The following CYP11B2 variants were observed in gnomAD, a reference collection of about 807,000 sequenced individuals.
CYP11B2 encodes cytochrome P450 11B2, mitochondrial.
CYP11B2 carries 38 observed loss-of-function variants against 49.3 expected under a neutral mutation model. The observed-to-expected ratio is 0.77, with a 90% CI of 0.59 to 1.01. The LOEUF (loss-of-function observed/expected upper bound fraction) is 1.01, where lower values mean the gene tolerates loss of function less well. Ranked by LOEUF, CYP11B2 falls within the 50% of genes least tolerant of loss-of-function variation. CYP11B2 has a pLI of 0.00. For missense variants in CYP11B2, 669 were observed against 655.5 expected, an observed-to-expected ratio of 1.02 and a Z score of -0.23; for synonymous variants, 290 against 269.3, an observed-to-expected ratio of 1.08 and a Z score of -0.75.
Position 142,914,693 on chromosome 8 carries a change from C to T in CYP11B2, c.799+12G>A. ...CCCTTCCCCATAGCACTGCCCGGGT[C>T]CCTGGCCTCACCGTACTGGAAGATG... is the stretch of plus-strand genomic sequence containing the variant. On this transcript the variant is annotated intron_variant, in intron 4 of 8. Coordinates refer to ENST00000323110, the MANE Select transcript of CYP11B2 (RefSeq NM_000498.3). 1.9e-6 allele frequency: 3 copies of T among 1,589,618 alleles called. No individual in the cohort carries two copies. The highest frequency in any genetic ancestry group is 2.6e-6 in the Non-Finnish European group (3 of 1,168,716).
chr8:142,912,046 C>G lies in CYP11B2; in HGVS notation c.1446G>C (p.Lys482Asn), dbSNP rs370145104. Residue 482 changes from lysine (K) to asparagine (N), a missense_variant, in exon 9 of 9, where the codon AAG becomes AAC. Lys to Asn is a moderately conservative substitution (Grantham distance 94, BLOSUM62 0). Transcript: ENST00000323110. ...GCCTCAATATGAAGCTGTAGACCAT[C>G]TTTATGTCCTCTTGAGTTAGTGTCT... ...LVETLTQEDI[K>N]MVYSFILRPG... 3.2e-5 allele frequency: 51 copies of G among 1,613,958 alleles called. No individual in the cohort carries two copies. Among genetic ancestry groups the G allele is most frequent in the Non-Finnish European group, 4.1e-5 (48 of 1,179,988 alleles).
At chr8:142,916,849 G>T (rs1422072252) in intron 2 of CYP11B2, among the ~76,000 whole-genome samples, 1 of 152,116 alleles carries the variant, frequency 6.6e-6, no homozygotes, top group African/African-American at 2.4e-5. Context: ...AGGTGCCCGT[G>T]CCCATTTCTC....
chr8:142,912,706 A>T lies in CYP11B2; in HGVS notation c.1222T>A (p.Tyr408Asn). ...PAGTLVQVFL[Y>N]SLGRNAALFP... is the part of the protein sequence containing the mutation. ...AAGGCGGCATTGCGACCCAGCGAGT[A>T]GAGGAAAACCTGTACCAATGTCTGC... The change falls in exon 8 of 9, where the codon TAC becomes AAC. Residue 408 changes from tyrosine to asparagine, a missense_variant. Transcript: ENST00000323110. 6.2e-7 allele frequency: 1 copy of T among 1,614,080 alleles called. No individual in the cohort carries two copies. Among genetic ancestry groups the T allele is most frequent in the Non-Finnish European group, 8.5e-7 (1 of 1,179,948 alleles).
At position 142,916,952 on chromosome 8, in the gene CYP11B2, C is replaced by G. The variant is rs373077621; in HGVS notation, c.395+107G>C. On this transcript the variant is annotated intron_variant, in intron 2 of 8. Transcript: ENST00000323110. ...GGGTGCTCACCCTCACTGCCCACCACAGGGGCCCAGGGCAGATGTGCTTTT... is the reference window on the plus strand; with the variant it reads ...GGGTGCTCACCCTCACTGCCCACCAGAGGGGCCCAGGGCAGATGTGCTTTT... The G allele has an allele frequency of 2.6e-5, 39 of 1,528,350 alleles. No individual in the cohort carries two copies. In the East Asian group the frequency reaches 2.9e-4, roughly 11 times the overall value. The allele number at this position is 1,528,350 out of a possible 1,614,324, so 94.7% of individuals were successfully genotyped here. A position where few individuals can be genotyped will look rare whatever the true frequency, so the allele number is the denominator to read the frequency against.
chr8:142,912,474 T>A (rs575545897), intron 8 of CYP11B2, 56 bp downstream of exon 8: 3 of 1,562,148 alleles, frequency 1.9e-6, no homozygotes, highest in South Asian at 1.1e-5. Context: ...CCGCCCCCAG[T>A]GTGCAGGTCC....
chr8:142,914,483 T>C lies in CYP11B2; in HGVS notation c.800-65A>G. 3 of 1,509,244 alleles carry C rather than the reference T, an allele frequency of 2.0e-6. No homozygotes were observed. The South Asian group carries it at 3.5e-5, about 18-fold the overall frequency. 93.5% of individuals were successfully genotyped at this position (1,509,244 alleles called of 1,614,324 possible). On this transcript the variant is annotated intron_variant, in intron 4 of 8. Transcript: ENST00000323110. ...TGGGAAGCATCCTTCAGTGTCCTCCTCCTGCCCAGACTGCCCCGACACCCA... is the reference window on the plus strand; with the variant it reads ...TGGGAAGCATCCTTCAGTGTCCTCCCCCTGCCCAGACTGCCCCGACACCCA...
intron 8 of CYP11B2, 30 bp downstream of exon 8, chr8:142,912,500 G>GGGGCC: frequency 6.3e-7 from 1 of 1,582,308 alleles, no homozygotes; most frequent in Non-Finnish European, 8.7e-7. Context: ...CTGCTGCCCA[G>GGGGCC]GTCCCGCCCC....
At chr8:142,914,118 AAGG>A in intron 5 of CYP11B2, 143 bp downstream of exon 5, 2 of 901,910 alleles carry the variant, frequency 2.2e-6, no homozygotes, top group Non-Finnish European at 3.6e-6. Context: ...TCCCTTAACA[AAGG>A]AGGGGGAAGG....
At chr8:142,916,909 A>T (rs1174384996) in intron 2 of CYP11B2, 150 bp downstream of exon 2, 2 of 1,250,058 alleles carry the variant, frequency 1.6e-6, no homozygotes, top group African/African-American at 3.0e-5. Context: ...ACCCCACAGG[A>T]TGGCCGTCCT....
chr8:142,917,144 C>T lies in CYP11B2; in HGVS notation c.310G>A (p.Asp104Asn). Residue 104 changes from aspartate to asparagine, a missense_variant, in exon 2 of 9, where the codon GAC becomes AAC. Physicochemically the swap from Asp to Asn is conservative, Grantham distance 23. Coordinates refer to ENST00000323110, the MANE Select transcript of CYP11B2 (RefSeq NM_000498.3). ...ATCATCCTGCAGGGATGCAGGCTGTCCACCTGTTGCAGCTTCTCCACATCC... is the reference window on the plus strand; with the variant it reads ...ATCATCCTGCAGGGATGCAGGCTGTTCACCTGTTGCAGCTTCTCCACATCC... ...PEDVEKLQQV[D>N]SLHPCRMILE... 6.2e-7 allele frequency: 1 copy of T among 1,614,196 alleles called. No homozygotes were observed. Among genetic ancestry groups the T allele is most frequent in the Non-Finnish European group, 8.5e-7 (1 of 1,180,030 alleles).
In CYP11B2 at chr8:142,912,704, G is replaced by C; in HGVS notation, c.1224C>G (p.Tyr408Ter). The change falls in exon 8 of 9, where the codon TAC becomes TAG. Residue 408 changes from tyrosine to a stop codon, truncating the protein, a stop_gained. Coordinates refer to ENST00000323110, the MANE Select transcript of CYP11B2 (RefSeq NM_000498.3). LOFTEE classifies it high-confidence loss of function. ...ACAAGGCGGCATTGCGACCCAGCGAGTAGAGGAAAACCTGTACCAATGTCT... is the reference window on the plus strand; with the variant it reads ...ACAAGGCGGCATTGCGACCCAGCGACTAGAGGAAAACCTGTACCAATGTCT... ...PAGTLVQVFL[Y>*]SLGRNAALFP... 6.2e-7 allele frequency: 1 copy of C among 1,614,094 alleles called. No individual in the cohort carries two copies.
chr8:142,911,987 A>T lies in CYP11B2; in HGVS notation c.1505T>A (p.Ile502Asn). The change falls in exon 9 of 9, where the codon ATT becomes AAT. Residue 502 changes from isoleucine (I) to asparagine (N), a missense_variant. Coordinates refer to ENST00000323110, the MANE Select transcript of CYP11B2 (RefSeq NM_000498.3). ...GTSPLLTFRAIN is the reference protein window; with the variant it reads ...GTSPLLTFRANN Reference sequence around the variant, plus strand: ...CTGGGTGCAGATGCAAGACTAGTTAATCGCTCTGAAAGTGAGGAGGGGGGA... The same window carrying T: ...CTGGGTGCAGATGCAAGACTAGTTATTCGCTCTGAAAGTGAGGAGGGGGGA... 6.2e-7 allele frequency: 1 copy of T among 1,613,940 alleles called. No homozygotes were observed. Among genetic ancestry groups the T allele is most frequent in the Non-Finnish European group, 8.5e-7 (1 of 1,179,902 alleles).
intron 4 of CYP11B2, 69 bp from the exon 5 acceptor site, chr8:142,914,487 G>A (rs1817602259): frequency 2.2e-5 from 32 of 1,486,016 alleles, no homozygotes; most frequent in Non-Finnish European, 2.8e-5. Flanking sequence ...TCCTCCTCCT[G>A]CCCAGACTGC....
chr8:142,914,249 G>T lies in CYP11B2; in HGVS notation c.954+15C>A. 1 of 1,614,038 alleles carries T rather than the reference G, an allele frequency of 6.2e-7. No homozygotes were observed. Among genetic ancestry groups the T allele is most frequent in the Non-Finnish European group, 8.5e-7 (1 of 1,179,992 alleles). ...GGCATCACCCTCTCTGGGTGGGGCT[G>T]GTTGCTGGCCTGACCGTGTCCACGC... On this transcript the variant is annotated intron_variant, in intron 5 of 8. Transcript: ENST00000323110.
At position 142,916,826 on chromosome 8, in the gene CYP11B2, G is replaced by A. The variant is rs183453761; in HGVS notation, c.395+233C>T. Among the ~76,000 whole-genome samples the A allele has an allele frequency of 1.1e-3, 162 of 152,000 alleles. 1 individual carries two copies. The highest frequency in any genetic ancestry group is 1.4e-3 in the Non-Finnish European group (92 of 67,878). On this transcript the variant is annotated intron_variant, in intron 2 of 8. Transcript: ENST00000323110. ...TACACAGAAGGGCTCATTGCTCTGC[G>A]TCTTCTCTGCAGAGGTGCCCGTGCC...
At chr8:142,912,400 C>T (rs1371918911) in intron 8 of CYP11B2, 130 bp downstream of exon 8, 16 of 1,080,124 alleles carry the variant, frequency 1.5e-5, no homozygotes, top group African/African-American at 6.2e-5. Flanking sequence ...TCCCTGGTCA[C>T]GCCGACCTCA....
chr8:142,914,449 T>A (rs1225988685), intron 4 of CYP11B2, 31 bp from the exon 5 acceptor site: 2 of 1,594,282 alleles, frequency 1.3e-6, no homozygotes, highest in Admixed American at 3.4e-5. Flanking sequence ...AGCCCTCAGA[T>A]CTTGGTGCTG....
intron 6 of CYP11B2, among the ~76,000 whole-genome samples, 160 bp downstream of exon 6, chr8:142,913,125 G>A (rs573635697): frequency 6.6e-6 from 1 of 152,144 alleles, no homozygotes; most frequent in East Asian, 1.9e-4. Flanking sequence ...TCCAGAGGAA[G>A]AAGAGCTCCC....
Position 142,914,685 on chromosome 8 carries a change from G to A in CYP11B2, c.799+20C>T. On this transcript the variant is annotated intron_variant, in intron 4 of 8. Transcript: ENST00000323110. ...CATGGTGTCCCTTCCCCATAGCACT[G>A]CCCGGGTCCCTGGCCTCACCGTACT... The A allele has an allele frequency of 6.3e-7, 1 of 1,575,744 alleles. No individual in the cohort carries two copies. The highest frequency in any genetic ancestry group is 1.2e-5 in the South Asian group (1 of 85,884).
Sources: allele counts gnomAD v4.1 joint callset (sites outside exome capture counted in the v4.1 genomes callset), GRCh38; gene constraint gnomAD v4.1.1; transcripts MANE v1.5; gene names NCBI Gene and HGNC (gene_info 2026-07-23, HGNC 2026-07-21).